ANAPC10: variants seen among roughly 807,000 people sequenced by gnomAD.
ANAPC10 encodes the protein anaphase-promoting complex subunit 10.
Under a neutral mutation model 22.0 loss-of-function variants are expected in ANAPC10, and 12 were observed. The observed-to-expected ratio is 0.55, with a 90% CI of 0.35 to 0.88. The LOEUF is 0.88. Ranked by LOEUF, ANAPC10 falls within the 40% of genes least tolerant of loss-of-function variation. ANAPC10 has a pLI of 0.01. For synonymous variants in ANAPC10, 65 were observed against 69.5 expected, an observed-to-expected ratio of 0.94 and a Z score of 0.32; for missense variants, 188 against 220.9, an observed-to-expected ratio of 0.85 and a Z score of 0.94.
intron 4 of ANAPC10, among the ~76,000 whole-genome samples, chr4:145,034,575 G>GTGTGTGTA (rs750027962): frequency 2.2e-4 from 28 of 125,622 alleles, no homozygotes; most frequent in African/African-American, 8.9e-4. Context: ...GTGTGTGTGT[G>GTGTGTGTA]TATATATCCC....
intron 2 of ANAPC10, among the ~76,000 whole-genome samples, 155 bp downstream of exon 2, chr4:145,095,830 A>C (rs1748424278): frequency 6.6e-6 from 1 of 152,162 alleles, no homozygotes; most frequent in Non-Finnish European, 1.5e-5. Flanking sequence ...TATAGGAAAA[A>C]ACATAGTATT....
intron 4 of ANAPC10, among the ~76,000 whole-genome samples, chr4:145,024,404 C>G (rs1736370212): frequency 1.3e-5 from 2 of 152,168 alleles, no homozygotes; most frequent in Admixed American, 1.3e-4. Context: ...ACTATGGCAG[C>G]TAATGCCTTA....
At chr4:145,072,011 A>C (rs2126525138) in intron 3 of ANAPC10, among the ~76,000 whole-genome samples, 1 of 150,926 alleles carries the variant, frequency 6.6e-6, no homozygotes, top group Non-Finnish European at 1.5e-5. Flanking sequence ...AAAAAAACAC[A>C]AAAAAAACAA....
At chr4:145,061,340 T>C (rs1742858132) in intron 4 of ANAPC10, among the ~76,000 whole-genome samples, 1 of 152,148 alleles carries the variant, frequency 6.6e-6, no homozygotes, top group East Asian at 1.9e-4. Context: ...CAGTAAAATT[T>C]ACAATAGAAT....
intron 4 of ANAPC10, among the ~76,000 whole-genome samples, chr4:145,060,361 T>C (rs1742705860): frequency 6.6e-6 from 1 of 151,984 alleles, no homozygotes. Flanking sequence ...CTGATGCCTT[T>C]GTAGAGAGTT....
At chr4:145,054,479 A>C (rs1445335033) in intron 4 of ANAPC10, among the ~76,000 whole-genome samples, 3 of 149,516 alleles carry the variant, frequency 2.0e-5, no homozygotes, top group African/African-American at 7.4e-5. Context: ...AATGGAGTGA[A>C]CCCAGGAGGC....
At position 145,085,108 on chromosome 4, in the gene ANAPC10, T is replaced by C. The variant is rs568914593; in HGVS notation, c.116-3358A>G. Among the ~76,000 whole-genome samples, 4 of 152,226 alleles carry C rather than the reference T, an allele frequency of 2.6e-5. No individual in the cohort carries two copies. In the South Asian group the frequency reaches 8.3e-4, roughly 32 times the overall value. On this transcript the variant is annotated intron_variant, in intron 2 of 4. Transcript: ENST00000507656. Reference sequence around the variant, plus strand: ...CTGTGCAACATAGTGAGACACTGTCTATACAAAAAATAAAAAAACTTAGCC... The same window carrying C: ...CTGTGCAACATAGTGAGACACTGTCCATACAAAAAATAAAAAAACTTAGCC...
chr4:145,053,762 T>C (rs1579048167), intron 4 of ANAPC10: 1 of 659,160 alleles, frequency 1.5e-6, no homozygotes, highest in Non-Finnish European at 2.7e-6. Context: ...GATTCTTCAT[T>C]CACATGTAAA....
chr4:145,029,885 CATT>C (rs1446592736), intron 4 of ANAPC10, among the ~76,000 whole-genome samples: 1 of 152,116 alleles, frequency 6.6e-6, no homozygotes. Context: ...GCAGCACCCC[CATT>C]TTTGAAGAGC....
intron 4 of ANAPC10, among the ~76,000 whole-genome samples, chr4:145,045,575 G>C (rs190389184): frequency 1.2e-3 from 176 of 152,166 alleles, no homozygotes; most frequent in African/African-American, 3.9e-3. Flanking sequence ...ACTTGAAGGA[G>C]ATTAATGAAG....
intron 4 of ANAPC10, among the ~76,000 whole-genome samples, chr4:145,018,895 TACC>T (rs760080484): frequency 6.6e-6 from 1 of 152,034 alleles, no homozygotes. Context: ...AACAGGAAAA[TACC>T]ACAATCCTAA....
intron 4 of ANAPC10, among the ~76,000 whole-genome samples, chr4:145,026,989 T>TATA (rs1736851394): frequency 5.2e-4 from 5 of 9,534 alleles, no homozygotes; most frequent in African/African-American, 1.1e-3. Flanking sequence ...ATATATATAT[T>TATA]TTTTTTTTTT....
intron 4 of ANAPC10, among the ~76,000 whole-genome samples, chr4:145,045,302 A>C (rs1740136906): frequency 6.6e-6 from 1 of 152,078 alleles, no homozygotes; most frequent in Admixed American, 6.6e-5. Context: ...TTGTTCACCT[A>C]TTCTATATAT....
intron 2 of ANAPC10, among the ~76,000 whole-genome samples, chr4:145,085,065 A>G (rs907781964): frequency 6.6e-6 from 1 of 152,144 alleles, no homozygotes; most frequent in Non-Finnish European, 1.5e-5. Context: ...TTACAAGATA[A>G]AAAGCTGTTT....
At chr4:145,004,784 A>C (rs1733100611) in intron 4 of ANAPC10, among the ~76,000 whole-genome samples, 1 of 152,104 alleles carries the variant, frequency 6.6e-6, no homozygotes, top group Non-Finnish European at 1.5e-5. Context: ...TATGTTCATG[A>C]AGGATATTGG....
intron 4 of ANAPC10, among the ~76,000 whole-genome samples, chr4:145,028,271 G>T (rs924989527): frequency 1.3e-5 from 2 of 152,072 alleles, no homozygotes; most frequent in Admixed American, 1.3e-4. Context: ...TATAAAGCAG[G>T]CAGAAAAATG....
intron 1 of ANAPC10, 36 bp from the exon 2 acceptor site, chr4:145,096,147 G>A: frequency 6.3e-7 from 1 of 1,589,270 alleles, no homozygotes; most frequent in Non-Finnish European, 8.5e-7. Context: ...ATTGTATCAG[G>A]AACTGGGCAT....
At chr4:145,061,801 G>A (rs562879204) in intron 4 of ANAPC10, among the ~76,000 whole-genome samples, 1 of 152,190 alleles carries the variant, frequency 6.6e-6, no homozygotes, top group Admixed American at 6.5e-5. Flanking sequence ...TAAAAGAAGG[G>A]CTGTCAATTG....
intron 2 of ANAPC10, among the ~76,000 whole-genome samples, chr4:145,095,503 G>T (rs556184344): frequency 6.6e-6 from 1 of 152,250 alleles, no homozygotes; most frequent in South Asian, 2.1e-4. Context: ...CATCATCGTG[G>T]CTTGATGATC....
Sources: allele counts gnomAD v4.1 joint callset (sites outside exome capture counted in the v4.1 genomes callset), GRCh38; gene constraint gnomAD v4.1.1; transcripts MANE v1.5; gene names NCBI Gene and HGNC (gene_info 2026-07-23, HGNC 2026-07-21).